The following PPARGC1A variants were observed in gnomAD, a reference collection of about 807,000 sequenced individuals.
PPARGC1A encodes the protein peroxisome proliferator-activated receptor gamma coactivator 1-alpha.
PPARGC1A carries 25 observed loss-of-function variants against 88.7 expected under a neutral mutation model. The observed-to-expected ratio is 0.28, with a 90% CI of 0.21 to 0.39. PPARGC1A has a LOEUF of 0.39. Among genes scored for constraint, PPARGC1A ranks in the 10% least tolerant of loss-of-function variants. The pLI is 1.00. For synonymous variants in PPARGC1A, 363 were observed against 355.6 expected (o/e 1.02, Z -0.24); for missense variants, 880 against 968.7 (o/e 0.91, Z 1.22).
chr4:24,252,865 T>C, the PPARGC1A span, among the ~76,000 whole-genome samples: 6 of 152,336 alleles, frequency 3.9e-5, no homozygotes, highest in South Asian at 1.0e-3. Context: ...CCTTGTAAGT[T>C]TGTCAGTGTA....
At chr4:23,878,464 G>A (rs1160047511) in intron 2 of PPARGC1A, among the ~76,000 whole-genome samples, 2 of 152,036 alleles carry the variant, frequency 1.3e-5, no homozygotes, top group Non-Finnish European at 2.9e-5. Context: ...CCTGCATCCT[G>A]TGAGTTGCTA....
At chr4:24,341,151 G>A in the PPARGC1A span, among the ~76,000 whole-genome samples, 2 of 151,502 alleles carry the variant, frequency 1.3e-5, no homozygotes, top group Non-Finnish European at 2.9e-5. Context: ...CTATTTGGAA[G>A]CTTTTCAAAT....
At chr4:24,421,448 C>T in the PPARGC1A span, among the ~76,000 whole-genome samples, 6 of 151,902 alleles carry the variant, frequency 3.9e-5, no homozygotes, top group Non-Finnish European at 8.8e-5. Flanking sequence ...GTAGCTGGGA[C>T]TACAGGCGCC....
chr4:24,034,082 T>C, the PPARGC1A span, among the ~76,000 whole-genome samples: 1 of 152,188 alleles, frequency 6.6e-6, no homozygotes, highest in Non-Finnish European at 1.5e-5. Flanking sequence ...AGGTATCTGC[T>C]GGACTTGCAA....
At chr4:24,023,695 C>T in the PPARGC1A span, among the ~76,000 whole-genome samples, 2 of 152,198 alleles carry the variant, frequency 1.3e-5, no homozygotes, top group South Asian at 4.1e-4. Flanking sequence ...AAGCAAACAT[C>T]TGTTGAGCTC....
At chr4:23,929,697 G>C in the PPARGC1A span, among the ~76,000 whole-genome samples, 1 of 152,198 alleles carries the variant, frequency 6.6e-6, no homozygotes, top group African/African-American at 2.4e-5. Flanking sequence ...GAAGGTTGAA[G>C]TGGCCCCAAG....
chr4:24,093,538 T>TA, the PPARGC1A span, among the ~76,000 whole-genome samples: 1,501 of 152,194 alleles, frequency 9.9e-3, 13 homozygotes, highest in African/African-American at 0.035. Flanking sequence ...TTCTGAGGTG[T>TA]AAGAGAGAAA....
At chr4:23,849,232 T>C (rs1728846951) in intron 2 of PPARGC1A, among the ~76,000 whole-genome samples, 1 of 152,186 alleles carries the variant, frequency 6.6e-6, no homozygotes, top group East Asian at 1.9e-4. Context: ...ATACATCAGA[T>C]AAAAATTTCC....
the PPARGC1A span, among the ~76,000 whole-genome samples, chr4:23,967,331 C>T: frequency 6.7e-3 from 1,023 of 152,240 alleles, 9 homozygotes; most frequent in African/African-American, 0.023. Flanking sequence ...TCTATGTCCC[C>T]GCTTTTGAAA....
chr4:23,974,226 T>A, the PPARGC1A span, among the ~76,000 whole-genome samples: 67 of 152,284 alleles, frequency 4.4e-4, no homozygotes, highest in African/African-American at 1.6e-3. Flanking sequence ...TGGGTGGGGA[T>A]GCTGTTTCCG....
chr4:23,956,118 C>A, the PPARGC1A span, among the ~76,000 whole-genome samples: 1 of 152,220 alleles, frequency 6.6e-6, no homozygotes, highest in East Asian at 1.9e-4. Context: ...TCTTCAACTA[C>A]TTAAAAATAT....
At chr4:24,076,810 A>G in the PPARGC1A span, among the ~76,000 whole-genome samples, 1 of 152,144 alleles carries the variant, frequency 6.6e-6, no homozygotes, top group South Asian at 2.1e-4. Flanking sequence ...ATACATTAAT[A>G]TATTTCCTTT....
the PPARGC1A span, among the ~76,000 whole-genome samples, chr4:24,379,636 G>A: frequency 6.6e-6 from 1 of 151,842 alleles, no homozygotes; most frequent in Non-Finnish European, 1.5e-5. Flanking sequence ...TTTGGAAAAG[G>A]TCACAAATTT....
At chr4:23,932,715 G>A in the PPARGC1A span, among the ~76,000 whole-genome samples, 103,087 of 151,976 alleles carry the variant, frequency 0.68, 35,834 homozygotes, top group Non-Finnish European at 0.76. Flanking sequence ...TAAATCTTAG[G>A]AGGCAGAATT....
At chr4:23,928,759 AACAAAAAAAAC>A in the PPARGC1A span, among the ~76,000 whole-genome samples, 2,949 of 88,966 alleles carry the variant, frequency 0.033, 103 homozygotes, top group African/African-American at 0.1. Context: ...GCCACAAAAA[AACAAAAAAAAC>A]AAAAAAAAAC....
the PPARGC1A span, among the ~76,000 whole-genome samples, chr4:24,336,525 C>T: frequency 2.0e-5 from 3 of 152,078 alleles, no homozygotes; most frequent in South Asian, 2.1e-4. Context: ...AATGTGTATG[C>T]CTTTTATCCC....
the PPARGC1A span, among the ~76,000 whole-genome samples, chr4:24,001,946 C>T: frequency 6.6e-6 from 1 of 152,044 alleles, no homozygotes; most frequent in African/African-American, 2.4e-5. Flanking sequence ...CCAAATCATA[C>T]ATCTATCAAA....
the PPARGC1A span, among the ~76,000 whole-genome samples, chr4:24,011,221 C>T: frequency 6.6e-6 from 1 of 152,088 alleles, no homozygotes; most frequent in Admixed American, 6.5e-5. Flanking sequence ...GAGGTCAAAA[C>T]TTTCTGTCCC....
the PPARGC1A span, among the ~76,000 whole-genome samples, chr4:24,114,109 G>C: frequency 8.4e-6 from 1 of 119,028 alleles, no homozygotes; most frequent in Non-Finnish European, 1.6e-5. Context: ...GGGAGACAGA[G>C]AGAGACTCCA....
Sources: allele counts gnomAD v4.1 joint callset (sites outside exome capture counted in the v4.1 genomes callset), GRCh38; gene constraint gnomAD v4.1.1; transcripts MANE v1.5; gene names NCBI Gene and HGNC (gene_info 2026-07-23, HGNC 2026-07-21).